Variants in PPM1L observed in about 807,000 individuals in gnomAD.
The protein encoded by PPM1L is protein phosphatase, Mg2+/Mn2+ dependent 1L.
Under a neutral mutation model 31.4 loss-of-function variants are expected in PPM1L, and 13 were observed. That is an observed-to-expected ratio of 0.41 (90% CI 0.27 to 0.66). The LOEUF (loss-of-function observed/expected upper bound fraction) is 0.66, where lower values mean the gene tolerates loss of function less well. Ranked by LOEUF, PPM1L falls within the 30% of genes least tolerant of loss-of-function variation. The pLI is 0.29. For missense variants in PPM1L, 326 were observed against 453.7 expected, an observed-to-expected ratio of 0.72 and a Z score of 2.56; for synonymous variants, 184 against 175.4, an observed-to-expected ratio of 1.05 and a Z score of -0.39.
chr3:160,993,998 G>A (rs1717222735), intron 2 of PPM1L, among the ~76,000 whole-genome samples: 1 of 148,842 alleles, frequency 6.7e-6, no homozygotes, highest in Non-Finnish European at 1.5e-5. Flanking sequence ...TCTCATGTAT[G>A]TAAGTAAATT....
At chr3:160,777,082 G>A (rs1711578035) in intron 1 of PPM1L, among the ~76,000 whole-genome samples, 1 of 151,872 alleles carries the variant, frequency 6.6e-6, no homozygotes, top group Admixed American at 6.6e-5. Context: ...TAGCACTTTG[G>A]GAGGCCAAAG....
At chr3:160,857,757 A>G (rs1711762086) in intron 1 of PPM1L, among the ~76,000 whole-genome samples, 1 of 152,208 alleles carries the variant, frequency 6.6e-6, no homozygotes, top group African/African-American at 2.4e-5. Context: ...AATAAATGCT[A>G]TTGTAGCGGT....
intron 2 of PPM1L, among the ~76,000 whole-genome samples, chr3:160,981,741 TTTA>T (rs911851042): frequency 1.4e-5 from 2 of 145,368 alleles, no homozygotes; most frequent in Admixed American, 6.8e-5. Flanking sequence ...ATTTTATTTA[TTTA>T]TTTATTTATT....
chr3:160,857,057 A>G (rs918500411), intron 1 of PPM1L, among the ~76,000 whole-genome samples: 1 of 152,212 alleles, frequency 6.6e-6, no homozygotes, highest in African/African-American at 2.4e-5. Context: ...CAAAAAACCC[A>G]GATTTTAAAT....
intron 1 of PPM1L, among the ~76,000 whole-genome samples, chr3:160,930,790 G>C (rs565887397): frequency 6.6e-6 from 1 of 152,160 alleles, no homozygotes; most frequent in Non-Finnish European, 1.5e-5. Flanking sequence ...CCTGGAGTGA[G>C]AGCTGGTGCC....
At chr3:160,878,191 C>T (rs1712582749) in intron 1 of PPM1L, among the ~76,000 whole-genome samples, 1 of 152,186 alleles carries the variant, frequency 6.6e-6, no homozygotes, top group Admixed American at 6.5e-5. Context: ...CTCACACATG[C>T]ACTGGCATAT....
chr3:161,001,912 G>A (rs1269391798), intron 2 of PPM1L, among the ~76,000 whole-genome samples: 1 of 152,030 alleles, frequency 6.6e-6, no homozygotes, highest in African/African-American at 2.4e-5. Flanking sequence ...ATGTATACAT[G>A]TGACATGCTG....
intron 1 of PPM1L, among the ~76,000 whole-genome samples, chr3:160,897,125 C>T (rs1713361945): frequency 6.6e-6 from 1 of 150,462 alleles, no homozygotes; most frequent in African/African-American, 2.5e-5. Context: ...TCACTGCAAC[C>T]TCCACCTCCC....
At chr3:161,012,765 G>A (rs959028726) in intron 2 of PPM1L, among the ~76,000 whole-genome samples, 2 of 152,140 alleles carry the variant, frequency 1.3e-5, no homozygotes, top group Non-Finnish European at 2.9e-5. Flanking sequence ...ATGTGTTGAG[G>A]AATTTATCAA....
intron 2 of PPM1L, among the ~76,000 whole-genome samples, chr3:160,964,350 T>G (rs2108110386): frequency 6.6e-6 from 1 of 152,140 alleles, no homozygotes; most frequent in East Asian, 1.9e-4. Context: ...ACTGTATTCT[T>G]AAGACTAAGC....
intron 1 of PPM1L, among the ~76,000 whole-genome samples, chr3:160,855,148 A>T (rs1438281184): frequency 1.3e-5 from 2 of 152,066 alleles, no homozygotes; most frequent in Non-Finnish European, 2.9e-5. Flanking sequence ...TCAATAAATG[A>T]TGCTGGGATA....
At chr3:160,811,709 T>C (rs991368785) in intron 1 of PPM1L, among the ~76,000 whole-genome samples, 8 of 152,206 alleles carry the variant, frequency 5.3e-5, no homozygotes, top group Non-Finnish European at 7.3e-5. Flanking sequence ...ATCTTGGCTC[T>C]GTGACGTTCT....
intron 2 of PPM1L, among the ~76,000 whole-genome samples, chr3:160,994,706 G>C (rs186559617): frequency 6.6e-6 from 1 of 152,202 alleles, no homozygotes; most frequent in Non-Finnish European, 1.5e-5. Context: ...ACTCACACAA[G>C]ATTCCTGTCA....
chr3:161,062,873 A>G (rs1462368079), intron 2 of PPM1L, among the ~76,000 whole-genome samples: 1 of 152,132 alleles, frequency 6.6e-6, no homozygotes, highest in Non-Finnish European at 1.5e-5. Flanking sequence ...GCAAATGGAA[A>G]CGCCTACTAG....
chr3:160,868,866 C>T (rs1324994550), intron 1 of PPM1L, among the ~76,000 whole-genome samples: 1 of 152,148 alleles, frequency 6.6e-6, no homozygotes, highest in African/African-American at 2.4e-5. Flanking sequence ...GTCTCCTATG[C>T]AACTGGATAC....
chr3:160,809,403 C>CT (rs1163968269), intron 1 of PPM1L, among the ~76,000 whole-genome samples: 2 of 152,140 alleles, frequency 1.3e-5, no homozygotes, highest in Non-Finnish European at 2.9e-5. Context: ...GAAGGCTCAA[C>CT]TTTAGTTTTC....
intron 2 of PPM1L, among the ~76,000 whole-genome samples, chr3:161,013,336 G>A (rs1393234301): frequency 2.6e-5 from 4 of 152,204 alleles, no homozygotes; most frequent in Non-Finnish European, 5.9e-5. Context: ...GAATGGTTTT[G>A]AGTGAGTTTC....
chr3:161,069,444 A>G lies in PPM1L; in HGVS notation c.*287A>G, dbSNP rs1485065547. The G allele has an allele frequency of 1.8e-5, 7 of 382,408 alleles. No homozygotes were observed. The highest frequency in any genetic ancestry group is 3.3e-5 in the South Asian group (1 of 30,740). The allele number at this position is 382,408 out of a possible 1,614,324, so 23.7% of individuals were successfully genotyped here. ...GAGTCACATATATGAAGTGAATAGC[A>G]TATGTGTCATTTAGTCTCCCTGAAG... On this transcript the variant is annotated 3_prime_UTR_variant, in exon 4 of 4. Coordinates refer to ENST00000498165, the MANE Select transcript of PPM1L (RefSeq NM_139245.4).
chr3:160,778,377 G>A (rs1711622908), intron 1 of PPM1L, among the ~76,000 whole-genome samples: 1 of 152,002 alleles, frequency 6.6e-6, no homozygotes, highest in Admixed American at 6.5e-5. Flanking sequence ...TTACAAGAAA[G>A]TTGCAAGGCT....
Sources: allele counts gnomAD v4.1 joint callset (sites outside exome capture counted in the v4.1 genomes callset), GRCh38; gene constraint gnomAD v4.1.1; transcripts MANE v1.5; gene names NCBI Gene and HGNC (gene_info 2026-07-23, HGNC 2026-07-21).